Variants in SPINT2 observed in about 807,000 individuals in gnomAD.
SPINT2 encodes the protein kunitz-type protease inhibitor 2.
Under a neutral mutation model 30.1 loss-of-function variants are expected in SPINT2, and 18 were observed. The observed-to-expected ratio is 0.60, with a 90% CI of 0.41 to 0.89. The LOEUF is 0.89. Among genes scored for constraint, SPINT2 ranks in the 40% least tolerant of loss-of-function variants. The pLI, the probability that SPINT2 is intolerant of heterozygous loss-of-function variation, is 0.00. For synonymous variants in SPINT2, 139 were observed against 137.9 expected (o/e 1.01, Z -0.05); for missense variants, 276 against 334.3 (o/e 0.83, Z 1.36).
At chr19:38,269,097 G>GT (rs1968416741) in intron 1 of SPINT2, among the ~76,000 whole-genome samples, 1 of 150,452 alleles carries the variant, frequency 6.6e-6, no homozygotes, top group African/African-American at 2.4e-5. Flanking sequence ...GTTTGTTTTT[G>GT]TTTTTTTGGG....
intron 1 of SPINT2, among the ~76,000 whole-genome samples, chr19:38,274,476 A>G (rs572123627): frequency 6.6e-6 from 1 of 152,242 alleles, no homozygotes; most frequent in South Asian, 2.1e-4. Context: ...GTTTTTAATG[A>G]AAAGAGGAGA....
chr19:38,281,148 C>T (rs1343893422), intron 1 of SPINT2, among the ~76,000 whole-genome samples: 1 of 152,156 alleles, frequency 6.6e-6, no homozygotes, highest in Non-Finnish European at 1.5e-5. Flanking sequence ...CCTCCTCCTG[C>T]TGTTTTCTCT....
At position 38,290,062 on chromosome 19, in the gene SPINT2, G is replaced by T. The variant is rs926121649; in HGVS notation, c.392-57G>T. ...AGCCTCCTCAGGCACTTTCTGGCTT[G>T]CTTCCCCTCCTTGCGGGCCCTACTA... On this transcript the variant is annotated intron_variant, in intron 4 of 6. Transcript: ENST00000301244. The surrounding 1 kb of genome is among the most constrained non-coding windows in gnomAD (Gnocchi z 4.3). The T allele has an allele frequency of 1.4e-5, 23 of 1,604,314 alleles. No individual in the cohort carries two copies. In the African/African-American group the frequency reaches 2.8e-4, roughly 20 times the overall value.
chr19:38,289,428 T>G (rs1414748122), intron 4 of SPINT2: 4 of 354,070 alleles, frequency 1.1e-5, no homozygotes, highest in Non-Finnish European at 1.6e-5. Flanking sequence ...GAGGGTGCAA[T>G]GAGCCAAGAT....
rs549973591 is a variant in SPINT2, at chr19:38,292,242, C to T, written c.*236C>T. 16 of 507,944 alleles carry T rather than the reference C, an allele frequency of 3.1e-5. No homozygotes were observed. The highest frequency in any genetic ancestry group is 1.3e-4 in the East Asian group (4 of 29,914). 31.5% of individuals were successfully genotyped at this position (507,944 alleles called of 1,614,324 possible). ...AGCCCCGAGTTGTTTCCTCGCTGAT[C>T]GATTTCTTTCCTCCAGGTAGAGTTT... is the stretch of plus-strand genomic sequence containing the variant. On this transcript the variant is annotated 3_prime_UTR_variant, in exon 7 of 7. Coordinates refer to ENST00000301244, the MANE Select transcript of SPINT2 (RefSeq NM_021102.4).
At chr19:38,286,025 C>G (rs560050629) in intron 2 of SPINT2, among the ~76,000 whole-genome samples, 1 of 152,200 alleles carries the variant, frequency 6.6e-6, no homozygotes, top group East Asian at 1.9e-4. Context: ...TTAGCTGTCT[C>G]CCTAGAGTCC....
Position 38,290,678 on chromosome 19 carries a change from ACAT to A in SPINT2, c.592+108_592+110del. ...TGGTTTACATTATCCTTCACTGTGA[ACAT>A]CATCTTGGCAGAAAGTCATGTTTCT... On this transcript the variant is annotated intron_variant, in intron 6 of 6. Coordinates refer to ENST00000301244, the MANE Select transcript of SPINT2 (RefSeq NM_021102.4). The surrounding 1 kb of genome is among the most constrained non-coding windows in gnomAD (Gnocchi z 4.3). 7.0e-7 allele frequency: 1 copy of A among 1,425,832 alleles called. No individual in the cohort carries two copies. Among genetic ancestry groups the A allele is most frequent in the South Asian group, 1.2e-5 (1 of 82,380 alleles). 88.3% of individuals were successfully genotyped at this position (1,425,832 alleles called of 1,614,324 possible).
At chr19:38,265,341 T>G (rs1968365526) in intron 1 of SPINT2, 1 of 197,492 alleles carries the variant, frequency 5.1e-6, no homozygotes, top group African/African-American at 2.4e-5. Flanking sequence ...GGTGGAAAGT[T>G]CCATGGCCAA....
intron 2 of SPINT2, among the ~76,000 whole-genome samples, chr19:38,286,925 C>A (rs921210776): frequency 6.6e-6 from 1 of 152,148 alleles, no homozygotes; most frequent in African/African-American, 2.4e-5. Context: ...CCACCCTTCA[C>A]CCAGTGTAAG....
chr19:38,268,404 C>G (rs1968406434), intron 1 of SPINT2, among the ~76,000 whole-genome samples: 1 of 152,164 alleles, frequency 6.6e-6, no homozygotes, highest in Admixed American at 6.5e-5. Context: ...TTCACACAGC[C>G]TTTATGTGAC....
chr19:38,291,652 ACT>A, intron 6 of SPINT2, 186 bp from the exon 7 acceptor site: 1 of 661,198 alleles, frequency 1.5e-6, no homozygotes, highest in Admixed American at 3.0e-5. Flanking sequence ...TTTTTGGGGG[ACT>A]CTCCTTGGTG....
intron 2 of SPINT2, 94 bp from the exon 3 acceptor site, chr19:38,287,782 G>A (rs988441996): frequency 1.5e-6 from 2 of 1,323,580 alleles, no homozygotes; most frequent in South Asian, 1.2e-5. Context: ...AGAAGTGGAT[G>A]CTGTGGTGAG....
Position 38,264,922 on chromosome 19 carries a change from C to T in SPINT2, c.30C>T (p.Ser10=). MAQLCGLRR[S]RAFLALLGSL... is the part of the protein sequence containing the mutation. ...CGCAGCTGTGCGGGCTGAGGCGGAG[C>T]CGGGCGTTTCTCGCCCTGCTGGGAT... The change falls in exon 1 of 7, where the codon AGC becomes AGT. Residue 10 remains serine, a synonymous_variant. Transcript: ENST00000301244. 1.3e-6 allele frequency: 2 copies of T among 1,535,844 alleles called. No homozygotes were observed. The highest frequency in any genetic ancestry group is 1.2e-5 in the South Asian group (1 of 83,916).
chr19:38,291,818 G>C, intron 6 of SPINT2, 22 bp from the exon 7 acceptor site: 1 of 1,611,344 alleles, frequency 6.2e-7, no homozygotes, highest in Non-Finnish European at 8.5e-7. Context: ...GGCCCGTCCT[G>C]AGGCCCCTCT....
Position 38,283,795 on chromosome 19 carries a change from C to T in SPINT2, c.275C>T (p.Thr92Ile). Residue 92 changes from threonine (T) to isoleucine (I), a missense_variant and splice_region_variant, in exon 2 of 7, where the codon ACA (threonine) becomes ATA (isoleucine). Transcript: ENST00000301244. Reference sequence around the variant, plus strand: ...TGCCTCAAGAAATGTGCCACTGTCACAGGTGAGATGGCAGTAGTTGGAGCT... The same window carrying T: ...TGCCTCAAGAAATGTGCCACTGTCATAGGTGAGATGGCAGTAGTTGGAGCT... ...EECLKKCATV[T>I]ENATGDLATS... 2.6e-6 allele frequency: 4 copies of T among 1,556,110 alleles called. No homozygotes were observed. The highest frequency in any genetic ancestry group is 3.5e-6 in the Non-Finnish European group (4 of 1,135,048).
chr19:38,267,848 A>G (rs935325242), intron 1 of SPINT2, among the ~76,000 whole-genome samples: 1 of 151,868 alleles, frequency 6.6e-6, no homozygotes, highest in Non-Finnish European at 1.5e-5. Context: ...TGAATGATTT[A>G]CTCTAATAAT....
At position 38,289,173 on chromosome 19, in the gene SPINT2, G is replaced by T. The variant is rs749590138; in HGVS notation, c.373G>T (p.Asp125Tyr). 7 of 1,613,884 alleles carry T rather than the reference G, an allele frequency of 4.3e-6. No individual in the cohort carries two copies. In the East Asian group the frequency reaches 1.3e-4, roughly 31 times the overall value. Reference sequence around the variant, plus strand: ...GCAGGATTCTGAAGACCACTCCAGCGATATGTTCAACTATGAAGGTAAAAC... The same window carrying T: ...GCAGGATTCTGAAGACCACTCCAGCTATATGTTCAACTATGAAGGTAAAAC... ...RRQDSEDHSSDMFNYEEYCTA... is the reference protein window; with the variant it reads ...RRQDSEDHSSYMFNYEEYCTA... The change falls in exon 4 of 7, where the codon GAT (aspartate) becomes TAT (tyrosine). Residue 125 changes from aspartate (D) to tyrosine (Y), a missense_variant. Asp to Tyr is a radical substitution (Grantham distance 160, BLOSUM62 -3). Transcript: ENST00000301244.
At position 38,275,918 on chromosome 19, in the gene SPINT2, G is replaced by T. The variant is rs551077199; in HGVS notation, c.107-7709G>T. Among the ~76,000 whole-genome samples the T allele has an allele frequency of 1.2e-4, 18 of 149,572 alleles. No homozygotes were observed. In the East Asian group the frequency reaches 3.6e-3, roughly 30 times the overall value. On this transcript the variant is annotated intron_variant, in intron 1 of 6. Transcript: ENST00000301244. ...AATTTTGTATTTTTAGTACAGACGG[G>T]GTTTCTCCATATTGGTCAGGCTGGT... is the stretch of plus-strand genomic sequence containing the variant.
intron 1 of SPINT2, among the ~76,000 whole-genome samples, chr19:38,270,590 C>T (rs1968442864): frequency 6.6e-6 from 1 of 152,222 alleles, no homozygotes; most frequent in South Asian, 2.1e-4. Flanking sequence ...CAAATGGTTG[C>T]AGTTCCTAAA....
Sources: gnomAD v4.1 joint callset for allele counts (sites outside exome capture counted in the v4.1 genomes callset) on GRCh38, gnomAD v4.1.1 for gene constraint, Gnocchi (gnomAD v3.1) non-coding constraint, MANE v1.5 for transcripts, NCBI Gene and HGNC (gene_info 2026-07-23, HGNC 2026-07-21) for gene names.